NDFIP1: variants seen among roughly 807,000 people sequenced by gnomAD.
NDFIP1 encodes the protein NEDD4 family-interacting protein 1.
In NDFIP1, 7 loss-of-function variants were observed where a neutral mutation model predicts 28.8. The ratio of observed to expected loss-of-function variants is 0.24; its 90% CI spans 0.14 to 0.46. NDFIP1 has a LOEUF of 0.46. Ranked by LOEUF, NDFIP1 falls within the 20% of genes least tolerant of loss-of-function variation. NDFIP1 has a pLI of 0.99. For synonymous variants in NDFIP1, 92 were observed against 101.0 expected (o/e 0.91, Z 0.53); for missense variants, 194 against 269.1 (o/e 0.72, Z 1.95).
chr5:142,142,940 A>AAAAAAATATAT (rs60076432), intron 6 of NDFIP1: 2 of 38,148 alleles, frequency 5.2e-5, no homozygotes. Flanking sequence ...AAAAAAAAAA[A>AAAAAAATATAT]ATATATATAT....
In NDFIP1 at chr5:142,154,431, TA is replaced by T. The variant is rs1377809863; in HGVS notation, c.*2709del. On this transcript the variant is annotated 3_prime_UTR_variant, in exon 8 of 8. Transcript: ENST00000253814. Reference sequence around the variant, plus strand: ...AAAGGCATTATTAAAATTTGCTTGTTAAAAAATGATAAGAATGAATATCTTT... The same window carrying T: ...AAAGGCATTATTAAAATTTGCTTGTTAAAAATGATAAGAATGAATATCTTT... 2 of 152,350 alleles carry T rather than the reference TA, an allele frequency of 1.3e-5. No individual in the cohort carries two copies. The highest frequency in any genetic ancestry group is 2.9e-5 in the Non-Finnish European group (2 of 68,028). The allele number at this position is 152,350 out of a possible 1,614,324, so 9.4% of individuals were successfully genotyped here.
chr5:142,140,189 C>T (rs1596793062), intron 5 of NDFIP1, among the ~76,000 whole-genome samples: 2 of 152,102 alleles, frequency 1.3e-5, no homozygotes, highest in South Asian at 4.2e-4. Flanking sequence ...TAGCTCACGC[C>T]TGTAATCCCA....
intron 1 of NDFIP1, among the ~76,000 whole-genome samples, chr5:142,110,418 T>C: frequency 6.6e-6 from 1 of 152,192 alleles, no homozygotes; most frequent in East Asian, 1.9e-4. Flanking sequence ...TCTGATTTCA[T>C]CCTTTTCATC....
intron 1 of NDFIP1, among the ~76,000 whole-genome samples, chr5:142,127,469 A>G (rs891052837): frequency 6.6e-6 from 1 of 152,144 alleles, no homozygotes; most frequent in Non-Finnish European, 1.5e-5. Flanking sequence ...GAAGGGAGCA[A>G]AGGTAATCAG....
chr5:142,114,774 C>G (rs1757048928), intron 1 of NDFIP1, among the ~76,000 whole-genome samples: 1 of 152,156 alleles, frequency 6.6e-6, no homozygotes, highest in African/African-American at 2.4e-5. Flanking sequence ...CCATAACTAA[C>G]TGTCCTTTGT....
At chr5:142,135,603 C>A (rs1255324815) in intron 3 of NDFIP1, 127 bp from the exon 4 acceptor site, 11 of 665,660 alleles carry the variant, frequency 1.7e-5, no homozygotes, top group Non-Finnish European at 2.6e-5. Flanking sequence ...ACACATTGAG[C>A]CTTTAATGCT....
chr5:142,131,626 T>C (rs950551691), intron 1 of NDFIP1, among the ~76,000 whole-genome samples, 182 bp from the exon 2 acceptor site: 1 of 152,228 alleles, frequency 6.6e-6, no homozygotes. Context: ...TTTGCCTCTT[T>C]GAATATTTCC....
rs1370354466 is a variant in NDFIP1 at position 142,144,554 on chromosome 5, T to C, written c.563-17T>C. ...GGAAATTATAAATTCATTCATGACT[T>C]TTCTTTTTTAAATTAGGCTTTCTCC... On this transcript the variant is annotated splice_polypyrimidine_tract_variant and intron_variant, in intron 6 of 7. Transcript: ENST00000253814. The C allele has an allele frequency of 6.4e-7, 1 of 1,568,510 alleles. No individual in the cohort carries two copies. The highest frequency in any genetic ancestry group is 1.8e-5 in the Admixed American group (1 of 56,250).
chr5:142,140,000 G>A (rs1180371660), intron 5 of NDFIP1, among the ~76,000 whole-genome samples: 4 of 152,284 alleles, frequency 2.6e-5, no homozygotes, highest in South Asian at 4.1e-4. Context: ...AAAATAAGGA[G>A]TTAATAAAGC....
intron 1 of NDFIP1, among the ~76,000 whole-genome samples, chr5:142,119,658 TTTTC>T (rs1374324303): frequency 6.6e-6 from 1 of 152,166 alleles, no homozygotes; most frequent in Admixed American, 6.5e-5. Flanking sequence ...TAGGACTGAT[TTTTC>T]TTTATTTTCC....
At chr5:142,119,607 CTTTT>C (rs975542295) in intron 1 of NDFIP1, among the ~76,000 whole-genome samples, 1 of 151,294 alleles carries the variant, frequency 6.6e-6, no homozygotes, top group African/African-American at 2.4e-5. Context: ...TGCATAGTGT[CTTTT>C]TTTTTCTTTT....
chr5:142,151,707 A>G (rs1272136649), intron 7 of NDFIP1, 24 bp from the exon 8 acceptor site: 2 of 152,622 alleles, frequency 1.3e-5, no homozygotes, highest in Non-Finnish European at 2.9e-5. Context: ...TAGAGTTTCA[A>G]TATTCAATAT....
In NDFIP1 at chr5:142,144,623, G is replaced by A. The variant is rs1350286442; in HGVS notation, c.615G>A (p.Met205Ile). The A allele has an allele frequency of 6.2e-7, 1 of 1,613,208 alleles. No homozygotes were observed. Among genetic ancestry groups the A allele is most frequent in the Non-Finnish European group, 8.5e-7 (1 of 1,179,586 alleles). Residue 205 changes from methionine to isoleucine, a missense_variant, in exon 7 of 8, where the codon ATG becomes ATA. Transcript: ENST00000253814. ...TCAATTATGCAAAAGTTCGGAAGAT[G>A]CCAGAAACTTTCTCAAATCTCCCCA... ...GFINYAKVRK[M>I]PETFSNLPRT...
chr5:142,130,084 T>C (rs1376420570), intron 1 of NDFIP1, among the ~76,000 whole-genome samples: 1 of 152,160 alleles, frequency 6.6e-6, no homozygotes, highest in Admixed American at 6.6e-5. Context: ...TGGCTCTGTA[T>C]ATCCTGATGA....
intron 7 of NDFIP1, among the ~76,000 whole-genome samples, chr5:142,145,892 A>G (rs1223454353): frequency 6.6e-6 from 1 of 152,200 alleles, no homozygotes; most frequent in African/African-American, 2.4e-5. Context: ...AGGCAATCAT[A>G]TACTAATCGT....
At chr5:142,136,488 C>T (rs528049513) in intron 4 of NDFIP1, among the ~76,000 whole-genome samples, 1 of 152,152 alleles carries the variant, frequency 6.6e-6, no homozygotes, top group Non-Finnish European at 1.5e-5. Context: ...GGCATGGTGG[C>T]TCATGCCTAT....
chr5:142,126,992 A>G (rs528963904), intron 1 of NDFIP1, among the ~76,000 whole-genome samples: 600 of 18,210 alleles, frequency 0.033, 5 homozygotes, highest in African/African-American at 0.17. Context: ...TAAGGAGGGA[A>G]AAAAAAACGC....
chr5:142,143,585 A>G (rs1022050401), intron 6 of NDFIP1: 1 of 152,194 alleles, frequency 6.6e-6, no homozygotes, highest in African/African-American at 2.4e-5. Flanking sequence ...GAGGAAGGCC[A>G]GGAGGAGTAT....
intron 1 of NDFIP1, among the ~76,000 whole-genome samples, chr5:142,111,554 C>G (rs926490473): frequency 1.3e-5 from 2 of 152,098 alleles, no homozygotes; most frequent in Non-Finnish European, 2.9e-5. Flanking sequence ...GTCCAGGCAA[C>G]TTGATAGGAG....
Sources: allele counts gnomAD v4.1 joint callset (sites outside exome capture counted in the v4.1 genomes callset), GRCh38; gene constraint gnomAD v4.1.1; transcripts MANE v1.5; gene names NCBI Gene and HGNC (gene_info 2026-07-23, HGNC 2026-07-21).